Variants in HCN1 observed in about 807,000 individuals in gnomAD.
HCN1 encodes the protein hyperpolarization activated cyclic nucleotide gated potassium channel 1, also known as potassium/sodium hyperpolarization-activated cyclic nucleotide-gated channel 1.
In HCN1, 13 loss-of-function variants were observed where a neutral mutation model predicts 78.9. That is an observed-to-expected ratio of 0.16 (90% CI 0.11 to 0.26). The LOEUF (loss-of-function observed/expected upper bound fraction) is 0.26, where lower values mean the gene tolerates loss of function less well. HCN1 is among the 10% of genes least tolerant of loss of function. The pLI, the probability that HCN1 is intolerant of heterozygous loss-of-function variation, is 1.00. For synonymous variants in HCN1, 552 were observed against 455.5 expected (o/e 1.21, Z -2.70); for missense variants, 810 against 1,154.3 (o/e 0.70, Z 4.32).
At chr5:45,335,388 G>C (rs1372488940) in intron 5 of HCN1, among the ~76,000 whole-genome samples, 1 of 152,008 alleles carries the variant, frequency 6.6e-6, no homozygotes, top group Non-Finnish European at 1.5e-5. Flanking sequence ...ATTTATAGAA[G>C]TATACATGAG....
chr5:45,342,395 AT>A (rs34854398), intron 5 of HCN1, among the ~76,000 whole-genome samples: 1,783 of 137,012 alleles, frequency 0.013, 13 homozygotes, highest in East Asian at 0.026. Context: ...ACACCTGGCT[AT>A]TTTTTTTTTT....
At chr5:45,292,469 C>A (rs1175011331) in intron 6 of HCN1, among the ~76,000 whole-genome samples, 2 of 151,974 alleles carry the variant, frequency 1.3e-5, no homozygotes, top group Admixed American at 6.6e-5. Flanking sequence ...CCTACAGATT[C>A]TATTGTTTTA....
At chr5:45,649,144 A>G (rs748534874) in intron 1 of HCN1, among the ~76,000 whole-genome samples, 1 of 151,854 alleles carries the variant, frequency 6.6e-6, no homozygotes, top group Non-Finnish European at 1.5e-5. Flanking sequence ...TTTCTACCTA[A>G]CAGCCCTCAA....
At chr5:45,573,250 CA>C (rs1169156179) in intron 2 of HCN1, among the ~76,000 whole-genome samples, 1 of 152,092 alleles carries the variant, frequency 6.6e-6, no homozygotes, top group Non-Finnish European at 1.5e-5. Context: ...CTTCCCCAAA[CA>C]ACTTAGTAAG....
chr5:45,589,992 T>G (rs1004689130), intron 2 of HCN1, among the ~76,000 whole-genome samples: 6 of 152,186 alleles, frequency 3.9e-5, no homozygotes, highest in Non-Finnish European at 8.8e-5. Flanking sequence ...CAAGGCAAGA[T>G]ATCAATTGGA....
At chr5:45,577,197 T>C (rs962262194) in intron 2 of HCN1, among the ~76,000 whole-genome samples, 2 of 152,058 alleles carry the variant, frequency 1.3e-5, no homozygotes, top group African/African-American at 4.8e-5. Flanking sequence ...TTCAAGGTTA[T>C]TACAATTTAA....
intron 2 of HCN1, among the ~76,000 whole-genome samples, chr5:45,605,892 T>C (rs1274502828): frequency 6.6e-6 from 1 of 152,002 alleles, no homozygotes; most frequent in East Asian, 1.9e-4. Context: ...AATTAATACA[T>C]CTAAAGAAAG....
At chr5:45,325,429 A>G (rs1746216547) in intron 5 of HCN1, among the ~76,000 whole-genome samples, 1 of 151,740 alleles carries the variant, frequency 6.6e-6, no homozygotes, top group Non-Finnish European at 1.5e-5. Context: ...TGATGATTGT[A>G]AATAATAAAA....
chr5:45,271,359 T>TACACAC (rs34016747), intron 6 of HCN1, among the ~76,000 whole-genome samples: 7,404 of 137,298 alleles, frequency 0.054, 209 homozygotes, highest in Middle Eastern at 0.069. Context: ...CTGATTCAGG[T>TACACAC]ACACACACAC....
chr5:45,258,553 T>C lies in HCN1; in HGVS notation c.*3368A>G, dbSNP rs1028624598. On this transcript the variant is annotated 3_prime_UTR_variant, in exon 8 of 8. Transcript: ENST00000303230. The stretch of plus-strand genomic sequence containing the variant: ...GTTTTCAGGAATGCTTCACTACTTA[T>C]TCTCATTATGATAAACTCTATCTCA... 5.3e-5 allele frequency: 8 copies of C among 152,120 alleles called. No homozygotes were observed. Among genetic ancestry groups the C allele is most frequent in the African/African-American group, 1.9e-4 (8 of 41,464 alleles). The allele number at this position is 152,120 out of a possible 1,614,324, so 9.4% of individuals were successfully genotyped here.
intron 4 of HCN1, among the ~76,000 whole-genome samples, chr5:45,372,511 TTTA>T (rs1747423062): frequency 8.0e-6 from 1 of 124,594 alleles, no homozygotes; most frequent in Non-Finnish European, 1.6e-5. Context: ...ATATAAAACA[TTTA>T]CATATAAAAA....
chr5:45,478,078 T>C (rs571679138), intron 2 of HCN1, among the ~76,000 whole-genome samples: 1 of 152,190 alleles, frequency 6.6e-6, no homozygotes, highest in Non-Finnish European at 1.5e-5. Flanking sequence ...TGCTTGAACT[T>C]GGGAGGTGGA....
At chr5:45,317,631 T>C (rs2111929596) in intron 5 of HCN1, among the ~76,000 whole-genome samples, 1 of 152,138 alleles carries the variant, frequency 6.6e-6, no homozygotes, top group Admixed American at 6.5e-5. Flanking sequence ...ACAGGCAACC[T>C]ACAGAATGGG....
chr5:45,372,786 C>G (rs1281970208), intron 4 of HCN1, among the ~76,000 whole-genome samples: 5 of 139,498 alleles, frequency 3.6e-5, no homozygotes, highest in African/African-American at 1.4e-4. Context: ...ATTCTATACA[C>G]AAAAATATTT....
At chr5:45,683,544 C>A (rs1486992879) in intron 1 of HCN1, among the ~76,000 whole-genome samples, 1 of 152,084 alleles carries the variant, frequency 6.6e-6, no homozygotes, top group Non-Finnish European at 1.5e-5. Context: ...CTCTTCAATT[C>A]CTGCTCACCA....
chr5:45,682,941 C>T (rs1334273408), intron 1 of HCN1, among the ~76,000 whole-genome samples: 1 of 152,072 alleles, frequency 6.6e-6, no homozygotes, highest in Non-Finnish European at 1.5e-5. Context: ...CAATAACTTA[C>T]TACCCTATAC....
chr5:45,682,500 A>T (rs1033142787), intron 1 of HCN1, among the ~76,000 whole-genome samples: 2 of 151,930 alleles, frequency 1.3e-5, no homozygotes, highest in African/African-American at 4.8e-5. Flanking sequence ...TGGAAATTAT[A>T]TATAAAAACC....
At chr5:45,273,488 G>A (rs372893496) in intron 6 of HCN1, among the ~76,000 whole-genome samples, 32 of 152,162 alleles carry the variant, frequency 2.1e-4, no homozygotes, top group African/African-American at 6.3e-4. Flanking sequence ...GGCTTCAAAC[G>A]TTTTGCAACT....
intron 2 of HCN1, among the ~76,000 whole-genome samples, chr5:45,611,169 G>GC (rs1380436392): frequency 6.8e-6 from 1 of 148,096 alleles, no homozygotes; most frequent in Non-Finnish European, 1.5e-5. Context: ...TCCTGACTCA[G>GC]CCCCCCAAGT....
Sources: allele counts gnomAD v4.1 joint callset (sites outside exome capture counted in the v4.1 genomes callset), GRCh38; gene constraint gnomAD v4.1.1; transcripts MANE v1.5; gene names NCBI Gene and HGNC (gene_info 2026-07-23, HGNC 2026-07-21).